Variants in UNC5A observed in about 807,000 individuals in gnomAD.
UNC5A encodes unc-5 netrin receptor A.
A neutral mutation model predicts 87.4 loss-of-function variants in UNC5A; 20 were observed. The ratio of observed to expected loss-of-function variants is 0.23; its 90% CI spans 0.16 to 0.33. The LOEUF (loss-of-function observed/expected upper bound fraction) is 0.33, where lower values mean the gene tolerates loss of function less well. UNC5A is among the 10% of genes least tolerant of loss of function. The pLI, the probability that UNC5A is intolerant of heterozygous loss-of-function variation, is 1.00. For synonymous variants in UNC5A, 438 were observed against 482.3 expected (o/e 0.91, Z 1.20); for missense variants, 844 against 1,133.4 (o/e 0.74, Z 3.67).
At chr5:176,878,856 G>A (rs1758335291) in intron 13 of UNC5A, among the ~76,000 whole-genome samples, 1 of 152,208 alleles carries the variant, frequency 6.6e-6, no homozygotes, top group South Asian at 2.1e-4. Context: ...GAGTGCAGGG[G>A]ACATGGGAGC....
Position 176,841,994 on chromosome 5 carries a change from G to A in UNC5A, c.71-20630G>A, listed in dbSNP as rs550639729. Among the ~76,000 whole-genome samples, 2 of 152,192 alleles carry A rather than the reference G, an allele frequency of 1.3e-5. No homozygotes were observed. The highest frequency in any genetic ancestry group is 6.5e-5 in the Admixed American group (1 of 15,296). Reference sequence around the variant, plus strand: ...GGGCGGATCACGAGGTCAGGAGATCGAGACCATCCTGGCTAACATGGTGAA... The same window carrying A: ...GGGCGGATCACGAGGTCAGGAGATCAAGACCATCCTGGCTAACATGGTGAA... On this transcript the variant is annotated intron_variant, in intron 1 of 14. Coordinates refer to ENST00000329542, the MANE Select transcript of UNC5A (RefSeq NM_133369.3). This position sits in a 1 kb window ranked among gnomAD's most constrained non-coding sequence, Gnocchi z 4.1.
At chr5:176,873,154 C>G (rs1278939433) in intron 6 of UNC5A, among the ~76,000 whole-genome samples, 1 of 150,424 alleles carries the variant, frequency 6.6e-6, no homozygotes, top group African/African-American at 2.5e-5. Flanking sequence ...TCCCATCTGC[C>G]CACACTCACC....
rs758929974 is a variant in UNC5A, at chr5:176,874,238, T to G, written c.1076-26T>G. The G allele has an allele frequency of 6.3e-7, 1 of 1,583,486 alleles. No homozygotes were observed. The highest frequency in any genetic ancestry group is 1.8e-5 in the Admixed American group (1 of 57,132). On this transcript the variant is annotated intron_variant, in intron 7 of 14. Transcript: ENST00000329542. This position sits in a 1 kb window ranked among gnomAD's most constrained non-coding sequence, Gnocchi z 7.6. ...GGGGCAGGGATGCCCTAGGTGCCAT[T>G]GCCTGAGTCTGTCTTTATCCTGCAG... is the stretch of plus-strand genomic sequence containing the variant.
At chr5:176,816,766 C>T (rs1024172862) in intron 1 of UNC5A, among the ~76,000 whole-genome samples, 1 of 152,236 alleles carries the variant, frequency 6.6e-6, no homozygotes, top group African/African-American at 2.4e-5. Flanking sequence ...GCACTCAATA[C>T]ACGTTAGCAA....
At chr5:176,879,037 G>A in intron 13 of UNC5A, among the ~76,000 whole-genome samples, 1 of 152,190 alleles carries the variant, frequency 6.6e-6, no homozygotes, top group Non-Finnish European at 1.5e-5. Context: ...TGTCAGCAGA[G>A]GCTGGGCAGA....
At chr5:176,863,108 G>A (rs1271422060) in intron 2 of UNC5A, among the ~76,000 whole-genome samples, 2 of 152,210 alleles carry the variant, frequency 1.3e-5, no homozygotes, top group Non-Finnish European at 2.9e-5. Context: ...TCACACCTGT[G>A]AGCACCCACT....
At chr5:176,822,739 A>G (rs577678355) in intron 1 of UNC5A, among the ~76,000 whole-genome samples, 2 of 152,220 alleles carry the variant, frequency 1.3e-5, no homozygotes, top group Non-Finnish European at 2.9e-5. Context: ...CCCTGAGGCC[A>G]GAACAGGAGA....
Position 176,866,024 on chromosome 5 carries a change from G to A in UNC5A, c.293-2106G>A, listed in dbSNP as rs1451937083. On this transcript the variant is annotated intron_variant, in intron 2 of 14. Coordinates refer to ENST00000329542, the MANE Select transcript of UNC5A (RefSeq NM_133369.3). The surrounding 1 kb of genome is among the most constrained non-coding windows in gnomAD (Gnocchi z 5.0). The stretch of plus-strand genomic sequence containing the variant: ...TGTTTAGAAGCAGATTGCTGAGAAG[G>A]TGAGAACCGAAGTGCCAGCTTGGCC... Among the ~76,000 whole-genome samples the A allele has an allele frequency of 6.6e-5, 10 of 152,226 alleles. No homozygotes were observed. Among genetic ancestry groups the A allele is most frequent in the Admixed American group, 6.5e-4 (10 of 15,290 alleles).
intron 1 of UNC5A, among the ~76,000 whole-genome samples, chr5:176,861,969 C>A (rs138858948): frequency 6.6e-6 from 1 of 152,220 alleles, no homozygotes; most frequent in Non-Finnish European, 1.5e-5. Flanking sequence ...AAGCCAATTA[C>A]CTGTGTAATT....
Position 176,876,900 on chromosome 5 carries a change from A to G in UNC5A, c.1379-292A>G, listed in dbSNP as rs530731396. Among the ~76,000 whole-genome samples the G allele has an allele frequency of 6.6e-4, 101 of 152,312 alleles. 1 individual carries two copies. The highest frequency in any genetic ancestry group is 2.2e-3 in the African/African-American group (91 of 41,560). On this transcript the variant is annotated intron_variant, in intron 8 of 14. Transcript: ENST00000329542. ...ACCCTGGTCCCCTCCAGTGCCTTTC[A>G]GGGGACAAGGGAGGTCGGTACCGCA...
chr5:176,845,180 T>C (rs7721349), intron 1 of UNC5A, among the ~76,000 whole-genome samples: 17,529 of 152,170 alleles, frequency 0.12, 1,436 homozygotes, highest in African/African-American at 0.22. Flanking sequence ...TCCAGCAGCC[T>C]GTTCCAGGTC....
intron 8 of UNC5A, 96 bp from the exon 9 acceptor site, chr5:176,877,096 G>C: frequency 1.0e-6 from 1 of 1,004,426 alleles, no homozygotes; most frequent in Non-Finnish European, 1.5e-6. Flanking sequence ...GCTGGCACCA[G>C]TCAGTCCTCA....
chr5:176,833,996 A>G (rs111309851), intron 1 of UNC5A, among the ~76,000 whole-genome samples: 1 of 150,578 alleles, frequency 6.6e-6, no homozygotes, highest in Non-Finnish European at 1.5e-5. Context: ...GAGCCACCGC[A>G]CCCGGCCCAG....
In UNC5A at chr5:176,874,146, C is replaced by T. The variant is rs746343986; in HGVS notation, c.1065C>T (p.Pro355=). The change falls in exon 7 of 15, where the codon CCC becomes CCT. Residue 355 remains proline, a synonymous_variant. Coordinates refer to ENST00000329542, the MANE Select transcript of UNC5A (RefSeq NM_133369.3). The surrounding 1 kb of genome is among the most constrained non-coding windows in gnomAD (Gnocchi z 7.6). ...TSGFQPVSIK[P]SKADNPHLLT... is the part of the protein sequence containing the mutation. ...GCTTCCAGCCCGTCAGCATCAAGCC[C>T]AGCAAAGCAGGTGAGGGGCCCCGTG... 1.9e-6 allele frequency: 3 copies of T among 1,613,356 alleles called. No individual in the cohort carries two copies. Among genetic ancestry groups the T allele is most frequent in the Admixed American group, 1.7e-5 (1 of 59,992 alleles).
chr5:176,817,215 G>A (rs1435122506), intron 1 of UNC5A, among the ~76,000 whole-genome samples: 1 of 151,756 alleles, frequency 6.6e-6, no homozygotes, highest in African/African-American at 2.4e-5. Context: ...GGATATCAGA[G>A]CTGTGTCCGT....
intron 1 of UNC5A, among the ~76,000 whole-genome samples, chr5:176,822,366 C>T (rs57945889): frequency 6.6e-6 from 1 of 152,226 alleles, no homozygotes; most frequent in African/African-American, 2.4e-5. Flanking sequence ...GGCCTGGAAT[C>T]TGAGCAGGAT....
At position 176,839,459 on chromosome 5, in the gene UNC5A, G is replaced by A. The variant is rs182977897; in HGVS notation, c.71-23165G>A. Among the ~76,000 whole-genome samples, 419 of 152,360 alleles carry A rather than the reference G, an allele frequency of 2.8e-3. 4 individuals carry two copies. The highest frequency in any genetic ancestry group is 9.2e-3 in the African/African-American group (382 of 41,586). On this transcript the variant is annotated intron_variant, in intron 1 of 14. Transcript: ENST00000329542. The stretch of plus-strand genomic sequence containing the variant: ...GGATGGCTGCTGTCACGTTGGCTTC[G>A]TGGGGTGGGATATCAGCATCGTTGA...
chr5:176,872,710 C>T (rs1758153470), intron 6 of UNC5A, among the ~76,000 whole-genome samples: 1 of 123,006 alleles, frequency 8.1e-6, no homozygotes, highest in African/African-American at 3.2e-5. Context: ...TTCCCATCTG[C>T]CCACACTCAC....
Position 176,831,883 on chromosome 5 carries a change from CTCTTTTTTTTTTT to C in UNC5A, c.70+21065_70+21077del, listed in dbSNP as rs1480526462. On this transcript the variant is annotated intron_variant, in intron 1 of 14. Transcript: ENST00000329542. ...TTTCACTTTCACACACTTTCTCTCT[CTCTTTTTTTTTTT>C]TTTTTTTTTTTTTTTTTTGAGACAG... 1.4e-4 allele frequency among the ~76,000 whole-genome samples: 16 copies of C among 115,312 alleles called. 4 individuals carry two copies. Among genetic ancestry groups the C allele is most frequent in the African/African-American group, 1.1e-4 (3 of 27,230 alleles). The allele number at this position is 115,312 out of a possible 152,430, so 75.6% of individuals were successfully genotyped here.
Sources: allele counts gnomAD v4.1 joint callset (sites outside exome capture counted in the v4.1 genomes callset), GRCh38; gene constraint gnomAD v4.1.1; non-coding constraint Gnocchi (gnomAD v3.1); transcripts MANE v1.5; gene names NCBI Gene and HGNC (gene_info 2026-07-23, HGNC 2026-07-21).